The following MCM9 variants were observed in gnomAD, a reference collection of about 807,000 sequenced individuals.
MCM9 encodes the protein DNA helicase MCM9.
In MCM9, 55 loss-of-function variants were observed where a neutral mutation model predicts 72.8. The ratio of observed to expected loss-of-function variants is 0.76; its 90% CI spans 0.61 to 0.95. The LOEUF (loss-of-function observed/expected upper bound fraction) is 0.95, where lower values mean the gene tolerates loss of function less well. Ranked by LOEUF, MCM9 falls within the 40% of genes least tolerant of loss-of-function variation. The pLI is 0.00. For missense variants in MCM9, 1,279 were observed against 1,377.0 expected (o/e 0.93, Z 1.13); for synonymous variants, 480 against 503.4 (o/e 0.95, Z 0.62).
intron 8 of MCM9, among the ~76,000 whole-genome samples, chr6:118,878,620 T>C (rs1038262576): frequency 4.6e-5 from 7 of 152,176 alleles, no homozygotes; most frequent in Middle Eastern, 6.8e-3. Flanking sequence ...ACTATGAAAA[T>C]TGAATTGGCA....
At chr6:118,816,680 C>CA (rs1456242596) in intron 13 of MCM9, among the ~76,000 whole-genome samples, 1 of 152,214 alleles carries the variant, frequency 6.6e-6, no homozygotes, top group African/African-American at 2.4e-5. Flanking sequence ...GCTACCCACA[C>CA]AGTAGCTGAT....
Position 118,923,978 on chromosome 6 carries a change from G to A in MCM9, c.454C>T (p.His152Tyr), listed in dbSNP as rs141275678. 3 of 1,614,064 alleles carry A rather than the reference G, an allele frequency of 1.9e-6. No homozygotes were observed. Among genetic ancestry groups the A allele is most frequent in the Middle Eastern group, 1.6e-4 (1 of 6,084 alleles). The change falls in exon 4 of 14, where the codon CAT (histidine) becomes TAT (tyrosine). Residue 152 changes from histidine to tyrosine, a missense_variant. By Grantham distance (83) the His-to-Tyr change is moderately conservative. Transcript: ENST00000619706. ...AAGTCAGCCTTGATCACAAACACAT[G>A]CTTGCATTTGTTACACATGTAATCC... ...ERDYMCNKCKHVFVIKADFEQ... is the reference protein window; with the variant it reads ...ERDYMCNKCKYVFVIKADFEQ...
chr6:118,822,099 T>C (rs1051586557), intron 13 of MCM9, among the ~76,000 whole-genome samples: 10 of 152,206 alleles, frequency 6.6e-5, no homozygotes, highest in Admixed American at 5.9e-4. Flanking sequence ...GAGTTTGTTA[T>C]TACCCACCTT....
intron 8 of MCM9, among the ~76,000 whole-genome samples, chr6:118,859,207 C>T (rs1562413424): frequency 2.0e-5 from 3 of 152,102 alleles, no homozygotes; most frequent in Non-Finnish European, 2.9e-5. Context: ...TGAATATCTT[C>T]ATGCAAGAAG....
At chr6:118,834,376 A>G (rs808186) in intron 9 of MCM9, among the ~76,000 whole-genome samples, 11,328 of 152,276 alleles carry the variant, frequency 0.074, 656 homozygotes, top group East Asian at 0.19. Context: ...GTGTATACCC[A>G]GTAATGGGAT....
At chr6:118,901,352 G>A (rs1206008187) in intron 8 of MCM9, among the ~76,000 whole-genome samples, 1 of 152,216 alleles carries the variant, frequency 6.6e-6, no homozygotes, top group Non-Finnish European at 1.5e-5. Context: ...AGCATAATCA[G>A]TAGTTGAGCT....
chr6:118,823,265 T>C (rs562928396), intron 13 of MCM9, among the ~76,000 whole-genome samples: 31 of 152,220 alleles, frequency 2.0e-4, no homozygotes, highest in African/African-American at 7.5e-4. Flanking sequence ...TTCTGATCCG[T>C]GGATTGCAAA....
chr6:118,841,937 C>T (rs1490888213), intron 9 of MCM9, among the ~76,000 whole-genome samples: 4 of 151,404 alleles, frequency 2.6e-5, no homozygotes, highest in African/African-American at 4.9e-5. Context: ...CGGGTTCAAG[C>T]GATTCTCCTG....
intron 8 of MCM9, among the ~76,000 whole-genome samples, chr6:118,892,927 G>T (rs1779043765): frequency 6.6e-6 from 1 of 152,116 alleles, no homozygotes; most frequent in Non-Finnish European, 1.5e-5. Flanking sequence ...TATGAACAAT[G>T]ACCAAAGAAT....
chr6:118,929,743 G>A (rs1782225597), intron 3 of MCM9, among the ~76,000 whole-genome samples: 1 of 152,182 alleles, frequency 6.6e-6, no homozygotes, highest in Non-Finnish European at 1.5e-5. Context: ...GAGGCCAGAG[G>A]AGGAGGATCA....
intron 8 of MCM9, among the ~76,000 whole-genome samples, chr6:118,891,010 T>C (rs542352831): frequency 3.3e-5 from 5 of 152,356 alleles, no homozygotes; most frequent in Admixed American, 2.6e-4. Flanking sequence ...AGTTCTAATG[T>C]ATTTTAATTT....
chr6:118,815,654 C>T lies in MCM9; in HGVS notation c.2602G>A (p.Ala868Thr), dbSNP rs535812885. 6.5e-7 allele frequency: 1 copy of T among 1,550,108 alleles called. No homozygotes were observed. Among genetic ancestry groups the T allele is most frequent in the East Asian group, 2.4e-5 (1 of 40,898 alleles). Residue 868 changes from alanine to threonine, a missense_variant, in exon 14 of 14, where the codon GCA becomes ACA. By Grantham distance (58) the Ala-to-Thr change is moderately conservative. Transcript: ENST00000619706. ...KLCRNSTRVP[A>T]QCTVPSHPQS... Reference sequence around the variant, plus strand: ...GGATGGGAAGGGACTGTGCACTGTGCAGGCACCCTGGTGCTATTTCTGCAC... The same window carrying T: ...GGATGGGAAGGGACTGTGCACTGTGTAGGCACCCTGGTGCTATTTCTGCAC...
intron 8 of MCM9, chr6:118,894,635 C>A: frequency 1.0e-6 from 1 of 963,242 alleles, no homozygotes; most frequent in East Asian, 2.7e-5. Flanking sequence ...CGGCCGCGGG[C>A]TGCTCTGCGG....
intron 6 of MCM9, among the ~76,000 whole-genome samples, chr6:118,914,958 T>C (rs1340229786): frequency 6.6e-6 from 1 of 152,240 alleles, no homozygotes; most frequent in Non-Finnish European, 1.5e-5. Flanking sequence ...GACAGAATTG[T>C]TGAGAATCAA....
At chr6:118,905,710 T>G (rs1780136177) in intron 8 of MCM9, 1 of 1,613,692 alleles carries the variant, frequency 6.2e-7, no homozygotes. Flanking sequence ...GTAACTGTTG[T>G]GCTAATTACT....
intron 11 of MCM9, among the ~76,000 whole-genome samples, chr6:118,827,476 T>C (rs1774239691): frequency 6.6e-6 from 1 of 152,184 alleles, no homozygotes; most frequent in African/African-American, 2.4e-5. Flanking sequence ...TATATGTATA[T>C]ATGTAATGGG....
At chr6:118,844,831 G>C (rs1367476347) in intron 9 of MCM9, among the ~76,000 whole-genome samples, 1 of 151,832 alleles carries the variant, frequency 6.6e-6, no homozygotes, top group East Asian at 1.9e-4. Context: ...TCCCAGCGCT[G>C]ACAAACAGAC....
In MCM9 at chr6:118,815,161, G is replaced by A; in HGVS notation, c.3095C>T (p.Thr1032Ile). 6.4e-7 allele frequency: 1 copy of A among 1,550,516 alleles called. No homozygotes were observed. The highest frequency in any genetic ancestry group is 8.7e-7 in the Non-Finnish European group (1 of 1,146,988). ...LGNETGCAHL[T>I]CEGDKKEEVS... ...CTCTTCCTTTTTGTCTCCCTCACAA[G>A]TAAGATGAGCACACCCAGTCTCGTT... Residue 1032 changes from threonine (T) to isoleucine (I), a missense_variant, in exon 14 of 14, where the codon ACT becomes ATT. Thr to Ile is a moderately conservative substitution (Grantham distance 89). Transcript: ENST00000619706.
intron 9 of MCM9, among the ~76,000 whole-genome samples, chr6:118,847,422 C>CA (rs368957444): frequency 0.51 from 58,271 of 113,702 alleles, 15,503 homozygotes; most frequent in East Asian, 0.65. Context: ...CATGAATCTT[C>CA]AAAAAAAAAA....
Sources: gnomAD v4.1 joint callset for allele counts (sites outside exome capture counted in the v4.1 genomes callset) on GRCh38, gnomAD v4.1.1 for gene constraint, MANE v1.5 for transcripts, NCBI Gene and HGNC (gene_info 2026-07-23, HGNC 2026-07-21) for gene names.